Variants in ASPRV1 observed in about 807,000 individuals in gnomAD.
The protein encoded by ASPRV1 is retroviral-like aspartic protease 1.
In ASPRV1, 7 loss-of-function variants were observed where a neutral mutation model predicts 11.0. The observed-to-expected ratio is 0.64, with a 90% CI of 0.36 to 1.20. The LOEUF is 1.20. Among genes scored for constraint, ASPRV1 ranks in the 50% most tolerant of loss-of-function variants. The pLI is 0.02. For missense variants in ASPRV1, 299 were observed against 320.0 expected, an observed-to-expected ratio of 0.93 and a Z score of 0.50; for synonymous variants, 136 against 138.4, an observed-to-expected ratio of 0.98 and a Z score of 0.12.
At chr2:69,968,257 G>C in the ASPRV1 span, 2 of 152,076 alleles carry the variant, frequency 1.3e-5, no homozygotes, top group Non-Finnish European at 2.9e-5. Flanking sequence ...CATCGACCAG[G>C]CATGGTGGCT....
chr2:70,025,796 C>T, the ASPRV1 span, among the ~76,000 whole-genome samples: 2 of 152,232 alleles, frequency 1.3e-5, no homozygotes, highest in Non-Finnish European at 1.5e-5. Flanking sequence ...ACTGATGCTG[C>T]AATGGCTGTG....
the ASPRV1 span, among the ~76,000 whole-genome samples, chr2:70,006,717 T>C: frequency 2.6e-5 from 4 of 152,186 alleles, no homozygotes; most frequent in East Asian, 5.8e-4. Flanking sequence ...AGGAAGCAAG[T>C]GGGATCTGTA....
chr2:70,025,127 A>T, the ASPRV1 span, among the ~76,000 whole-genome samples: 1 of 152,344 alleles, frequency 6.6e-6, no homozygotes, highest in African/African-American at 2.4e-5. Context: ...AACCACTTGT[A>T]TTATCTCAAC....
chr2:69,964,340 A>G (rs375835266), upstream of ASPRV1: 6 of 455,842 alleles, frequency 1.3e-5, no homozygotes, highest in East Asian at 3.5e-4. Flanking sequence ...GACCTCCACA[A>G]CAGAAACACG....
At chr2:70,022,615 A>C in the ASPRV1 span, among the ~76,000 whole-genome samples, 2 of 151,924 alleles carry the variant, frequency 1.3e-5, no homozygotes, top group Non-Finnish European at 2.9e-5. Context: ...ATTTGAGCCT[A>C]GGAGGTCAAG....
the ASPRV1 span, among the ~76,000 whole-genome samples, chr2:69,972,373 T>C: frequency 6.7e-6 from 1 of 150,160 alleles, no homozygotes; most frequent in Non-Finnish European, 1.5e-5. Context: ...TTTTTTTTTT[T>C]TCAAGATGGA....
the ASPRV1 span, chr2:69,996,616 C>T: frequency 4.6e-6 from 2 of 434,674 alleles, no homozygotes; most frequent in South Asian, 3.3e-5. Context: ...TCTTTCATTA[C>T]TTCTATGACA....
the ASPRV1 span, chr2:69,996,630 GA>G: frequency 2.3e-6 from 1 of 439,644 alleles, no homozygotes; most frequent in Non-Finnish European, 4.5e-6. Context: ...TATGACACCT[GA>G]AATTCTAAAT....
chr2:70,024,088 T>TAA, the ASPRV1 span, among the ~76,000 whole-genome samples: 19 of 124,064 alleles, frequency 1.5e-4, no homozygotes, highest in Middle Eastern at 0.013. Flanking sequence ...CCGTCACTAT[T>TAA]AAAAAAAAAA....
At chr2:70,034,661 G>A in the ASPRV1 span, among the ~76,000 whole-genome samples, 5 of 152,054 alleles carry the variant, frequency 3.3e-5, no homozygotes, top group Non-Finnish European at 5.9e-5. Flanking sequence ...TCTGTGGTAT[G>A]ATACCACTGC....
At chr2:69,951,619 T>A in the ASPRV1 span, among the ~76,000 whole-genome samples, 1 of 151,300 alleles carries the variant, frequency 6.6e-6, no homozygotes, top group East Asian at 1.9e-4. Context: ...GCTCTAGATA[T>A]AGACTGACCA....
the ASPRV1 span, among the ~76,000 whole-genome samples, chr2:69,953,966 C>A: frequency 3.3e-5 from 5 of 152,120 alleles, no homozygotes; most frequent in African/African-American, 1.2e-4. Flanking sequence ...TATCTGCCTG[C>A]CTCTGCCTCC....
chr2:70,047,908 A>C, the ASPRV1 span, among the ~76,000 whole-genome samples: 1 of 152,144 alleles, frequency 6.6e-6, no homozygotes. Context: ...CAAGAGATCG[A>C]GACCATCCTG....
chr2:69,983,691 G>A, the ASPRV1 span, among the ~76,000 whole-genome samples: 1 of 152,176 alleles, frequency 6.6e-6, no homozygotes, highest in Non-Finnish European at 1.5e-5. Flanking sequence ...GGGCCTAAGC[G>A]GGCACTGGTG....
At chr2:70,000,894 G>A in the ASPRV1 span, among the ~76,000 whole-genome samples, 1 of 151,418 alleles carries the variant, frequency 6.6e-6, no homozygotes, top group African/African-American at 2.4e-5. Context: ...CGGCTGGCCT[G>A]TAAAAGAGTC....
the ASPRV1 span, chr2:70,087,095 G>A: frequency 1.4e-5 from 2 of 141,868 alleles, no homozygotes; most frequent in African/African-American, 2.6e-5. Context: ...TTTTAAACCC[G>A]CGGCGTCCCG....
the ASPRV1 span, among the ~76,000 whole-genome samples, chr2:69,982,077 A>T: frequency 7.9e-6 from 1 of 126,228 alleles, no homozygotes; most frequent in African/African-American, 3.1e-5. Context: ...CCATCCATCC[A>T]TCCATCCTTC....
At chr2:69,932,885 A>G in the ASPRV1 span, among the ~76,000 whole-genome samples, 1 of 152,200 alleles carries the variant, frequency 6.6e-6, no homozygotes, top group Non-Finnish European at 1.5e-5. Context: ...AAAAATATCT[A>G]AATATAATTT....
the ASPRV1 span, among the ~76,000 whole-genome samples, chr2:70,058,469 C>T: frequency 6.6e-6 from 1 of 152,130 alleles, no homozygotes; most frequent in African/African-American, 2.4e-5. Flanking sequence ...CCTGGAACTC[C>T]TGGCCTCAAG....
Sources: gnomAD v4.1 joint callset for allele counts (sites outside exome capture counted in the v4.1 genomes callset) on GRCh38, gnomAD v4.1.1 for gene constraint, MANE v1.5 for transcripts, NCBI Gene and HGNC (gene_info 2026-07-23, HGNC 2026-07-21) for gene names.